Variants in NEK11 observed in about 807,000 individuals in gnomAD.
The protein encoded by NEK11 is NIMA related kinase 11.
A neutral mutation model predicts 80.7 loss-of-function variants in NEK11; 72 were observed. The observed-to-expected ratio is 0.89, with a 90% CI of 0.74 to 1.08. NEK11 has a LOEUF of 1.08. NEK11 is among the 50% of genes least tolerant of loss of function. The probability of loss-of-function intolerance (pLI) is 0.00; values close to 1 mark genes in which losing one functional copy is unlikely to be tolerated. For synonymous variants in NEK11, 251 were observed against 260.7 expected (o/e 0.96, Z 0.36); for missense variants, 764 against 763.6 (o/e 1.00, Z -0.01).
intron 12 of NEK11, among the ~76,000 whole-genome samples, chr3:131,167,463 TA>T (rs1289458691): frequency 1.3e-5 from 2 of 152,224 alleles, no homozygotes; most frequent in Non-Finnish European, 2.9e-5. Flanking sequence ...ATAATTTACT[TA>T]CCTTTTTTGC....
intron 14 of NEK11, among the ~76,000 whole-genome samples, chr3:131,222,038 A>G (rs2095042788): frequency 6.6e-6 from 1 of 152,088 alleles, no homozygotes. Flanking sequence ...AAGACGGTTT[A>G]CCAGGATGAC....
At chr3:131,212,569 G>A (rs185476726) in intron 14 of NEK11, among the ~76,000 whole-genome samples, 1 of 152,304 alleles carries the variant, frequency 6.6e-6, no homozygotes, top group Non-Finnish European at 1.5e-5. Context: ...ACTCGCGCTG[G>A]GAGCTGTAGA....
At chr3:131,111,112 A>G (rs1453063142) in intron 5 of NEK11, among the ~76,000 whole-genome samples, 1 of 152,206 alleles carries the variant, frequency 6.6e-6, no homozygotes, top group Admixed American at 6.5e-5. Context: ...AACACATATT[A>G]AGATGCTAAC....
chr3:131,188,313 TATTAGATTGGTG>T (rs1228851054), intron 14 of NEK11, among the ~76,000 whole-genome samples: 1 of 152,202 alleles, frequency 6.6e-6, no homozygotes, highest in Non-Finnish European at 1.5e-5. Flanking sequence ...AAAGATTTAT[TATTAGATTGGTG>T]CAAAAGCAAT....
intron 17 of NEK11, among the ~76,000 whole-genome samples, chr3:131,341,287 C>T (rs914283942): frequency 1.1e-4 from 17 of 151,992 alleles, no homozygotes; most frequent in African/African-American, 2.2e-4. Context: ...GTTTTTGACC[C>T]GTAATTTATT....
chr3:131,056,035 G>A (rs184531960), intron 3 of NEK11, among the ~76,000 whole-genome samples: 1 of 152,156 alleles, frequency 6.6e-6, no homozygotes, highest in Non-Finnish European at 1.5e-5. Context: ...CCTTTTTCTG[G>A]AGAGTTGGAA....
intron 14 of NEK11, among the ~76,000 whole-genome samples, chr3:131,215,996 G>C (rs1319319178): frequency 6.6e-6 from 1 of 152,204 alleles, no homozygotes; most frequent in African/African-American, 2.4e-5. Context: ...CACTTGAAAA[G>C]TAGCTAGTGC....
At chr3:131,289,240 T>C (rs2108947680) in intron 17 of NEK11, among the ~76,000 whole-genome samples, 1 of 152,252 alleles carries the variant, frequency 6.6e-6, no homozygotes, top group Middle Eastern at 3.4e-3. Context: ...TCTCTGTGAG[T>C]TCAAATTTCT....
intron 17 of NEK11, among the ~76,000 whole-genome samples, chr3:131,335,697 A>C (rs2097170387): frequency 6.6e-6 from 1 of 152,194 alleles, no homozygotes; most frequent in Non-Finnish European, 1.5e-5. Context: ...TGCAGATGAC[A>C]TGATTGTATA....
chr3:131,104,649 G>A (rs1247816472), intron 4 of NEK11, among the ~76,000 whole-genome samples: 10 of 152,224 alleles, frequency 6.6e-5, no homozygotes, highest in South Asian at 2.1e-4. Flanking sequence ...CCTCAGCACC[G>A]TGCGTGTGGT....
chr3:131,221,698 G>A (rs761509243), intron 14 of NEK11, among the ~76,000 whole-genome samples: 1 of 152,142 alleles, frequency 6.6e-6, no homozygotes, highest in African/African-American at 2.4e-5. Context: ...TATCTGGATC[G>A]TTTTAGCAGT....
chr3:131,050,660 AT>A (rs1337009798), intron 3 of NEK11, among the ~76,000 whole-genome samples: 5 of 152,164 alleles, frequency 3.3e-5, no homozygotes, highest in Non-Finnish European at 1.5e-5. Flanking sequence ...GTTATATTTT[AT>A]TTATTTATTA....
intron 17 of NEK11, among the ~76,000 whole-genome samples, chr3:131,337,745 AG>A (rs2097211369): frequency 6.6e-6 from 1 of 152,162 alleles, no homozygotes; most frequent in Non-Finnish European, 1.5e-5. Flanking sequence ...CTGAGTGACT[AG>A]ACTGCACAGC....
At chr3:131,102,117 A>G (rs2078455400) in intron 4 of NEK11, among the ~76,000 whole-genome samples, 2 of 152,110 alleles carry the variant, frequency 1.3e-5, no homozygotes, top group South Asian at 4.1e-4. Flanking sequence ...GTGTACCATT[A>G]CATGTTAGAT....
chr3:131,310,434 T>C (rs1581749500), intron 17 of NEK11, among the ~76,000 whole-genome samples: 1 of 152,212 alleles, frequency 6.6e-6, no homozygotes. Context: ...AGATACCTCA[T>C]AGACCTCAAA....
At chr3:131,143,052 T>C (rs1367650486) in intron 7 of NEK11, among the ~76,000 whole-genome samples, 1 of 152,204 alleles carries the variant, frequency 6.6e-6, no homozygotes, top group Non-Finnish European at 1.5e-5. Context: ...AAATATTCTT[T>C]AAAAAATTCA....
intron 17 of NEK11, among the ~76,000 whole-genome samples, chr3:131,331,609 C>T (rs1206479480): frequency 6.6e-6 from 1 of 152,176 alleles, no homozygotes; most frequent in African/African-American, 2.4e-5. Context: ...ACAGTGGGCG[C>T]AGGACAGTGG....
intron 3 of NEK11, among the ~76,000 whole-genome samples, chr3:131,046,306 G>T (rs902364937): frequency 2.0e-5 from 3 of 152,104 alleles, no homozygotes; most frequent in Non-Finnish European, 4.4e-5. Context: ...GCTTGGTAGT[G>T]GTGAATTCTC....
intron 4 of NEK11, among the ~76,000 whole-genome samples, chr3:131,101,643 C>T (rs1444123915): frequency 6.6e-6 from 1 of 152,102 alleles, no homozygotes; most frequent in East Asian, 1.9e-4. Flanking sequence ...GCTTTATGAC[C>T]AAGCATGAGT....
Sources: gnomAD v4.1 joint callset for allele counts (sites outside exome capture counted in the v4.1 genomes callset) on GRCh38, gnomAD v4.1.1 for gene constraint, MANE v1.5 for transcripts, NCBI Gene and HGNC (gene_info 2026-07-23, HGNC 2026-07-21) for gene names.